ASIP: variants seen among roughly 807,000 people sequenced by gnomAD.
ASIP encodes the protein agouti-signaling protein.
ASIP carries 11 observed loss-of-function variants against 10.3 expected under a neutral mutation model. The ratio of observed to expected loss-of-function variants is 1.07; its 90% CI spans 0.68 to 1.78. The LOEUF is 1.78. Ranked by LOEUF, ASIP falls within the 40% of genes most tolerant of loss-of-function variation. The pLI, the probability that ASIP is intolerant of heterozygous loss-of-function variation, is 0.00. For synonymous variants in ASIP, 70 were observed against 70.8 expected (o/e 0.99, Z 0.06); for missense variants, 180 against 169.2 (o/e 1.06, Z -0.35).
chr20:34,262,527 G>A (rs2035711317), intron 2 of ASIP, among the ~76,000 whole-genome samples: 1 of 152,210 alleles, frequency 6.6e-6, no homozygotes, highest in East Asian at 1.9e-4. Flanking sequence ...GGCTCTGAGT[G>A]GCCCAAGCTC....
upstream of ASIP, among the ~76,000 whole-genome samples, chr20:34,192,821 A>T (rs563695485): frequency 2.0e-5 from 3 of 152,298 alleles, no homozygotes; most frequent in South Asian, 2.1e-4. Flanking sequence ...ATTTAAAAAA[A>T]TTTTATGGAT....
chr20:34,213,639 G>A, intron 1 of ASIP: 1 of 1,563,892 alleles, frequency 6.4e-7, no homozygotes, highest in South Asian at 1.1e-5. Flanking sequence ...TAAGAGGAAT[G>A]AACTCCTGGA....
At chr20:34,214,055 C>A (rs2034991713) in intron 1 of ASIP, 2 of 1,284,716 alleles carry the variant, frequency 1.6e-6, no homozygotes, top group Non-Finnish European at 2.3e-6. Flanking sequence ...TCATTATTAA[C>A]AATCATCACT....
the ASIP span, among the ~76,000 whole-genome samples, chr20:34,188,991 G>A: frequency 2.6e-5 from 4 of 152,080 alleles, no homozygotes; most frequent in Non-Finnish European, 5.9e-5. Flanking sequence ...TCATTTTAAT[G>A]GTAGAAATTT....
intron 1 of ASIP, among the ~76,000 whole-genome samples, chr20:34,244,320 G>C (rs1277818204): frequency 2.6e-5 from 4 of 152,052 alleles, no homozygotes; most frequent in African/African-American, 9.7e-5. Context: ...CTATTTCCAG[G>C]ACTACATCTT....
At chr20:34,245,548 T>C (rs1268894450) in intron 1 of ASIP, among the ~76,000 whole-genome samples, 1 of 151,268 alleles carries the variant, frequency 6.6e-6, no homozygotes, top group Non-Finnish European at 1.5e-5. Context: ...CCACCATGCC[T>C]GGCTAAATTT....
intron 1 of ASIP, chr20:34,246,215 GTCT>G: frequency 4.8e-6 from 7 of 1,463,042 alleles, no homozygotes; most frequent in East Asian, 2.4e-5. Context: ...TTGTGGTATG[GTCT>G]TCTTTTTTTG....
chr20:34,221,097 G>A (rs1969363087), intron 1 of ASIP, among the ~76,000 whole-genome samples: 1 of 151,756 alleles, frequency 6.6e-6, no homozygotes, highest in African/African-American at 2.4e-5. Context: ...CAAATGGCAG[G>A]GCCAGGCGCG....
intron 3 of ASIP, among the ~76,000 whole-genome samples, chr20:34,264,254 AAAC>A (rs1173911861): frequency 2.0e-5 from 3 of 152,360 alleles, no homozygotes; most frequent in African/African-American, 7.2e-5. Flanking sequence ...ATAACTGTGT[AAAC>A]AACTGCAGTA....
At chr20:34,232,103 T>C (rs1425134547) in intron 1 of ASIP, among the ~76,000 whole-genome samples, 1 of 152,210 alleles carries the variant, frequency 6.6e-6, no homozygotes, top group African/African-American at 2.4e-5. Flanking sequence ...GGTCTACACA[T>C]GTGGTAAATG....
chr20:34,261,062 C>A (rs1396002354), intron 2 of ASIP, among the ~76,000 whole-genome samples: 1 of 152,200 alleles, frequency 6.6e-6, no homozygotes, highest in Non-Finnish European at 1.5e-5. Context: ...AGTTGAGGAA[C>A]TTGAGGCTTA....
chr20:34,212,939 T>C (rs767249514), intron 1 of ASIP, among the ~76,000 whole-genome samples: 1 of 152,230 alleles, frequency 6.6e-6, no homozygotes, highest in South Asian at 2.1e-4. Flanking sequence ...ACTCCAGCAC[T>C]GCTTTTGAGT....
In ASIP at chr20:34,269,144, C is replaced by T. The variant is rs1478633279; in HGVS notation, c.376C>T (p.Arg126Cys). The change falls in exon 4 of 4, where the codon CGC (arginine) becomes TGC (cysteine). Residue 126 changes from arginine to cysteine, a missense_variant. Transcript: ENST00000374954. ...CTTCTTCCGCAGCGCCTGCTCCTGC[C>T]GCGTGCTCAGCCTCAACTGCTGAGC... ...CRFFRSACSC[R>C]VLSLNC The T allele has an allele frequency of 6.5e-7, 1 of 1,548,082 alleles. No individual in the cohort carries two copies. The highest frequency in any genetic ancestry group is 8.7e-7 in the Non-Finnish European group (1 of 1,146,332).
intron 1 of ASIP, among the ~76,000 whole-genome samples, chr20:34,251,238 C>T (rs2035469564): frequency 6.6e-6 from 1 of 152,068 alleles, no homozygotes; most frequent in Admixed American, 6.5e-5. Flanking sequence ...CTTAAGGAAA[C>T]ATAATAAGTG....
At chr20:34,262,930 G>A (rs2035720542) in intron 3 of ASIP, 37 bp downstream of exon 3, 4 of 1,610,244 alleles carry the variant, frequency 2.5e-6, no homozygotes, top group African/African-American at 2.7e-5. Context: ...CTCATTGTTG[G>A]GGTGAGACTG....
At chr20:34,234,060 TTGA>T (rs986744441) in intron 1 of ASIP, among the ~76,000 whole-genome samples, 4 of 152,210 alleles carry the variant, frequency 2.6e-5, no homozygotes, top group African/African-American at 4.8e-5. Flanking sequence ...TTGTGCCCAG[TTGA>T]TGATGGTGTC....
At chr20:34,214,090 G>T in intron 1 of ASIP, 1 of 1,177,422 alleles carries the variant, frequency 8.5e-7, no homozygotes, top group South Asian at 1.2e-5. Context: ...AATAAAATTT[G>T]ATCATCGCTG....
intron 1 of ASIP, among the ~76,000 whole-genome samples, chr20:34,210,207 C>T (rs900315350): frequency 7.2e-5 from 11 of 152,232 alleles, no homozygotes; most frequent in African/African-American, 2.4e-4. Context: ...AGGGCTGAAA[C>T]GTCCCTTGCT....
chr20:34,214,465 G>A, intron 1 of ASIP: 2 of 1,515,540 alleles, frequency 1.3e-6, no homozygotes, highest in South Asian at 1.1e-5. Flanking sequence ...CCTGAGAAGT[G>A]AGCACCATGA....
Sources: gnomAD v4.1 joint callset for allele counts (sites outside exome capture counted in the v4.1 genomes callset) on GRCh38, gnomAD v4.1.1 for gene constraint, MANE v1.5 for transcripts, NCBI Gene and HGNC (gene_info 2026-07-23, HGNC 2026-07-21) for gene names.